The following RBFOX1 variants were observed in gnomAD, a reference collection of about 807,000 sequenced individuals.
The protein encoded by RBFOX1 is RNA binding fox-1 homolog 1.
RBFOX1 carries 8 observed loss-of-function variants against 57.7 expected under a neutral mutation model. That is an observed-to-expected ratio of 0.14 (90% CI 0.08 to 0.25). The LOEUF is 0.25. Ranked by LOEUF, RBFOX1 falls within the 10% of genes least tolerant of loss-of-function variation. The probability of loss-of-function intolerance (pLI) is 1.00; values close to 1 mark genes in which losing one functional copy is unlikely to be tolerated. For missense variants in RBFOX1, 611 were observed against 548.5 expected (o/e 1.11, Z -1.14); for synonymous variants, 326 against 222.4 (o/e 1.47, Z -4.15).
intron 4 of RBFOX1, among the ~76,000 whole-genome samples, chr16:7,113,468 C>T (rs1293756289): frequency 2.6e-5 from 4 of 152,132 alleles, no homozygotes; most frequent in South Asian, 4.1e-4. Context: ...ACTTCCCTTT[C>T]GATCTTGTTA....
chr16:5,531,274 G>A (rs2044468023), intron 2 of RBFOX1, among the ~76,000 whole-genome samples: 1 of 152,192 alleles, frequency 6.6e-6, no homozygotes, highest in African/African-American at 2.4e-5. Flanking sequence ...GGGGTGGGAA[G>A]GAGCATGTAT....
chr16:5,266,558 T>TTA (rs1342876322), intron 1 of RBFOX1, among the ~76,000 whole-genome samples: 1 of 149,998 alleles, frequency 6.7e-6, no homozygotes, highest in Non-Finnish European at 1.5e-5. Context: ...GTTTTTTTTT[T>TTA]TTTTTTTGAG....
At chr16:6,555,720 A>T (rs1041050526) in intron 2 of RBFOX1, among the ~76,000 whole-genome samples, 3 of 152,012 alleles carry the variant, frequency 2.0e-5, no homozygotes, top group African/African-American at 7.2e-5. Flanking sequence ...AAAACAAAAC[A>T]AACAAACAAA....
chr16:6,925,550 T>C (rs1427193281), intron 3 of RBFOX1, among the ~76,000 whole-genome samples: 3 of 151,988 alleles, frequency 2.0e-5, no homozygotes, highest in African/African-American at 4.8e-5. Flanking sequence ...TCTATTTTAT[T>C]CACTGACATA....
At chr16:6,861,620 A>C (rs1194745934) in intron 3 of RBFOX1, among the ~76,000 whole-genome samples, 1 of 151,720 alleles carries the variant, frequency 6.6e-6, no homozygotes, top group African/African-American at 2.4e-5. Flanking sequence ...CAGCCTCTAC[A>C]TTGGGTCTTT....
intron 1 of RBFOX1, among the ~76,000 whole-genome samples, chr16:5,300,844 T>A (rs1250944679): frequency 1.3e-5 from 2 of 152,250 alleles, no homozygotes; most frequent in Non-Finnish European, 2.9e-5. Flanking sequence ...TTTGTCTGTT[T>A]TATTATTCTT....
intron 3 of RBFOX1, among the ~76,000 whole-genome samples, chr16:6,917,238 C>T (rs1441203699): frequency 1.3e-5 from 2 of 152,120 alleles, no homozygotes; most frequent in Admixed American, 6.6e-5. Flanking sequence ...CCTTGGTCCC[C>T]GCTCTCACTG....
chr16:5,940,030 C>T (rs954399380), intron 4 of RBFOX1, among the ~76,000 whole-genome samples: 2 of 152,216 alleles, frequency 1.3e-5, no homozygotes, highest in East Asian at 1.9e-4. Flanking sequence ...ATCTTCCTTA[C>T]AGGATTATAC....
intron 4 of RBFOX1, among the ~76,000 whole-genome samples, chr16:5,889,651 C>CTGAGGATAT (rs1567674805): frequency 6.6e-6 from 1 of 152,234 alleles, no homozygotes. Context: ...CACATGTCCT[C>CTGAGGATAT]GTGCACTGAG....
intron 5 of RBFOX1, among the ~76,000 whole-genome samples, chr16:7,540,575 TC>T (rs1335060400): frequency 6.6e-6 from 1 of 152,222 alleles, no homozygotes; most frequent in East Asian, 1.9e-4. Context: ...CATCTGATGA[TC>T]ACTGACTGCT....
At chr16:6,698,286 T>C (rs529818259) in intron 3 of RBFOX1, among the ~76,000 whole-genome samples, 3 of 152,328 alleles carry the variant, frequency 2.0e-5, no homozygotes, top group African/African-American at 7.2e-5. Context: ...GGTAATCTAT[T>C]TGTACATCTA....
intron 2 of RBFOX1, among the ~76,000 whole-genome samples, chr16:6,503,352 G>C (rs748840105): frequency 6.6e-6 from 1 of 152,164 alleles, no homozygotes; most frequent in Non-Finnish European, 1.5e-5. Context: ...GGGAGTCATA[G>C]CACTCTTGTT....
rs1000689434 is a variant in RBFOX1 at position 6,097,940 on chromosome 16, T to C, written c.-127+77948T>C. 1.9e-4 allele frequency among the ~76,000 whole-genome samples: 29 copies of C among 152,278 alleles called. No individual in the cohort carries two copies. Among genetic ancestry groups the C allele is most frequent in the African/African-American group, 6.0e-4 (25 of 41,576 alleles). ...GCATCAATGAGTCCTGGAGGGCTTTTAAACCATAGATGATCAGGGCCCCTG... is the reference window on the plus strand; with the variant it reads ...GCATCAATGAGTCCTGGAGGGCTTTCAAACCATAGATGATCAGGGCCCCTG... On this transcript the variant is annotated intron_variant, in intron 1 of 15. Coordinates refer to ENST00000550418, the MANE Select transcript of RBFOX1 (RefSeq NM_018723.4). This position sits in a 1 kb window ranked among gnomAD's most constrained non-coding sequence, Gnocchi z 5.0.
intron 4 of RBFOX1, among the ~76,000 whole-genome samples, chr16:5,914,668 G>A (rs900305486): frequency 3.3e-5 from 5 of 152,278 alleles, no homozygotes; most frequent in Non-Finnish European, 7.4e-5. Context: ...AGGCCCAGGC[G>A]GGCGGATCAC....
chr16:5,860,297 G>T (rs1313991997), intron 3 of RBFOX1, among the ~76,000 whole-genome samples: 1 of 152,188 alleles, frequency 6.6e-6, no homozygotes, highest in East Asian at 1.9e-4. Flanking sequence ...TGGTCAGGCT[G>T]GTCAGGAGAC....
intron 4 of RBFOX1, among the ~76,000 whole-genome samples, chr16:7,459,368 T>A (rs2059133976): frequency 6.6e-6 from 1 of 152,218 alleles, no homozygotes; most frequent in Admixed American, 6.5e-5. Context: ...CTTGCCATTT[T>A]GTACAAAAGT....
At position 7,189,554 on chromosome 16, in the gene RBFOX1, A is replaced by AACACACACACACAC. The variant is rs779531861; in HGVS notation, c.27+137476_27+137489dup. On this transcript the variant is annotated intron_variant, in intron 4 of 15. Coordinates refer to ENST00000550418, the MANE Select transcript of RBFOX1 (RefSeq NM_018723.4). ...CACTCCAAAACACTATGTCCCCCAA[A>AACACACACACACAC]ACACACACACACACACACACACACA... Among the ~76,000 whole-genome samples the AACACACACACACAC allele has an allele frequency of 7.0e-3, 954 of 135,854 alleles. 10 individuals are homozygous for AACACACACACACAC. The highest frequency in any genetic ancestry group is 0.025 in the African/African-American group (864 of 34,034). The allele number at this position is 135,854 out of a possible 152,430, so 89.1% of individuals were successfully genotyped here.
chr16:6,999,426 A>G (rs1043778579), intron 3 of RBFOX1, among the ~76,000 whole-genome samples: 2 of 150,420 alleles, frequency 1.3e-5, no homozygotes, highest in Non-Finnish European at 3.0e-5. Flanking sequence ...ACTCATTCTG[A>G]TTTTTTTTAA....
chr16:6,967,157 C>A (rs1287714667), intron 3 of RBFOX1, among the ~76,000 whole-genome samples: 1 of 152,094 alleles, frequency 6.6e-6, no homozygotes, highest in East Asian at 1.9e-4. Flanking sequence ...CATCATCTAT[C>A]CATGTGTTTG....
Sources: gnomAD v4.1 joint callset for allele counts (sites outside exome capture counted in the v4.1 genomes callset) on GRCh38, gnomAD v4.1.1 for gene constraint, Gnocchi (gnomAD v3.1) non-coding constraint, MANE v1.5 for transcripts, NCBI Gene and HGNC (gene_info 2026-07-23, HGNC 2026-07-21) for gene names.